The following DNAJC16 variants were observed in gnomAD, a reference collection of about 807,000 sequenced individuals.
The protein encoded by DNAJC16 is DnaJ heat shock protein family (Hsp40) member C16.
A neutral mutation model predicts 92.7 loss-of-function variants in DNAJC16; 76 were observed. The observed-to-expected ratio is 0.82, with a 90% confidence interval of 0.68 to 0.99. The LOEUF (loss-of-function observed/expected upper bound fraction) is 0.99, where lower values mean the gene tolerates loss of function less well. DNAJC16 is among the 50% of genes least tolerant of loss of function. DNAJC16 has a pLI of 0.00. For synonymous variants in DNAJC16, 328 were observed against 358.7 expected, an observed-to-expected ratio of 0.91 and a Z score of 0.97; for missense variants, 869 against 942.4, an observed-to-expected ratio of 0.92 and a Z score of 1.02.
At chr1:15,534,775 G>A (rs1710742506) in intron 3 of DNAJC16, among the ~76,000 whole-genome samples, 2 of 152,118 alleles carry the variant, frequency 1.3e-5, no homozygotes, top group African/African-American at 4.8e-5. Flanking sequence ...TGGAACAAGT[G>A]CCTGAACACT....
intron 7 of DNAJC16, among the ~76,000 whole-genome samples, chr1:15,552,935 T>C (rs1638481018): frequency 6.6e-6 from 1 of 151,168 alleles, no homozygotes. Context: ...ACCTGGCTAA[T>C]TTTTTTGTAT....
intron 7 of DNAJC16, among the ~76,000 whole-genome samples, chr1:15,551,173 C>A (rs761649229): frequency 6.6e-6 from 1 of 152,072 alleles, no homozygotes; most frequent in Non-Finnish European, 1.5e-5. Context: ...CCCGGCCTCA[C>A]CTTATATCTT....
In DNAJC16 at chr1:15,530,101, A is replaced by G. The variant is rs372184287; in HGVS notation, c.167+829A>G. 3.3e-5 allele frequency among the ~76,000 whole-genome samples: 5 copies of G among 152,120 alleles called. No homozygotes were observed. The East Asian group carries it at 9.6e-4, about 29-fold the overall frequency. On this transcript the variant is annotated intron_variant, in intron 2 of 14. Coordinates refer to ENST00000375847, the MANE Select transcript of DNAJC16 (RefSeq NM_015291.4). ...ATGGATGTGAAACCAACAGATATAG[A>G]GGGCTGACTATATATTACTCAAAAA...
chr1:15,568,732 T>G lies in DNAJC16; in HGVS notation c.*555T>G. ...GTTGTTCTGGGAGTAAGTGGCTAAA[T>G]GTATATTTTGGGGGTATCCCCCAAC... is the stretch of plus-strand genomic sequence containing the variant. On this transcript the variant is annotated 3_prime_UTR_variant, in exon 15 of 15. Coordinates refer to ENST00000375847, the MANE Select transcript of DNAJC16 (RefSeq NM_015291.4). The G allele has an allele frequency of 2.5e-6, 1 of 398,942 alleles. No individual in the cohort carries two copies. Among genetic ancestry groups the G allele is most frequent in the Non-Finnish European group, 4.4e-6 (1 of 226,326 alleles). The allele number at this position is 398,942 out of a possible 1,614,324, so 24.7% of individuals were successfully genotyped here.
intron 4 of DNAJC16, among the ~76,000 whole-genome samples, chr1:15,542,459 C>G (rs2103410685): frequency 6.6e-6 from 1 of 152,334 alleles, no homozygotes; most frequent in Non-Finnish European, 1.5e-5. Flanking sequence ...CCATGTACCT[C>G]TCTTCCTTCT....
chr1:15,528,316 C>T (rs1308923596), intron 1 of DNAJC16, among the ~76,000 whole-genome samples: 1 of 152,136 alleles, frequency 6.6e-6, no homozygotes, highest in Non-Finnish European at 1.5e-5. Context: ...TGCCTGTAAT[C>T]CCAGCTACTG....
intron 4 of DNAJC16, among the ~76,000 whole-genome samples, chr1:15,540,146 TAA>T: frequency 6.6e-6 from 1 of 152,130 alleles, no homozygotes; most frequent in East Asian, 1.9e-4. Context: ...ACCAATGTGG[TAA>T]AATCCTGTCT....
rs186910503 is a variant in DNAJC16, at chr1:15,548,174, A to G, written c.865-96A>G. On this transcript the variant is annotated intron_variant, in intron 6 of 14. Coordinates refer to ENST00000375847, the MANE Select transcript of DNAJC16 (RefSeq NM_015291.4). ...AGTGGAGCTGTGTAAGCTGGCATGT[A>G]CCTCTCTGCTCAGTGATGTGAAAAA... 16 of 1,227,088 alleles carry G rather than the reference A, an allele frequency of 1.3e-5. No homozygotes were observed. In the African/African-American group the frequency reaches 1.9e-4, roughly 15 times the overall value. 76.0% of individuals were successfully genotyped at this position (1,227,088 alleles called of 1,614,324 possible).
Position 15,553,229 on chromosome 1 carries a change from C to CTTTTGTTTTG in DNAJC16, c.1023+4811_1023+4820dup, listed in dbSNP as rs113932795. Among the ~76,000 whole-genome samples, 220 of 151,368 alleles carry CTTTTGTTTTG rather than the reference C, an allele frequency of 1.5e-3. 4 individuals are homozygous for CTTTTGTTTTG. The highest frequency in any genetic ancestry group is 5.2e-3 in the African/African-American group (214 of 41,202). The stretch of plus-strand genomic sequence containing the variant: ...TATCTTCACCCATTCTGTGGCTTGT[C>CTTTTGTTTTG]TTTTGTTTTGTTTTGTTTTTTTGAG... On this transcript the variant is annotated intron_variant, in intron 7 of 14. Coordinates refer to ENST00000375847, the MANE Select transcript of DNAJC16 (RefSeq NM_015291.4).
At chr1:15,555,420 C>A (rs1235126398) in intron 7 of DNAJC16, among the ~76,000 whole-genome samples, 2 of 149,772 alleles carry the variant, frequency 1.3e-5, no homozygotes, top group African/African-American at 4.9e-5. Context: ...TGCGGTGGCT[C>A]ACGCCTGTAA....
At chr1:15,552,366 G>A (rs1330558968) in intron 7 of DNAJC16, among the ~76,000 whole-genome samples, 1 of 151,948 alleles carries the variant, frequency 6.6e-6, no homozygotes, top group Non-Finnish European at 1.5e-5. Context: ...GCATGCACCT[G>A]TAGTCCCAGC....
At chr1:15,532,438 A>G (rs1411665978) in intron 2 of DNAJC16, among the ~76,000 whole-genome samples, 2 of 152,206 alleles carry the variant, frequency 1.3e-5, no homozygotes, top group Non-Finnish European at 2.9e-5. Flanking sequence ...ACAATTAGGA[A>G]AGTATTCCGT....
Position 15,529,261 on chromosome 1 carries a change from C to T in DNAJC16, c.156C>T (p.Leu52=), listed in dbSNP as rs768919972. The T allele has an allele frequency of 5.0e-6, 8 of 1,607,548 alleles. No individual in the cohort carries two copies. The highest frequency in any genetic ancestry group is 3.3e-4 in the Middle Eastern group (2 of 6,042). The change falls in exon 2 of 15, where the codon CTC becomes CTT. Residue 52 remains leucine, a synonymous_variant. Coordinates refer to ENST00000375847, the MANE Select transcript of DNAJC16 (RefSeq NM_015291.4). ...QADIKKAYKK[L]AREWHPDKNK... ...ATATTAAAAAGGCTTATAAGAAGCT[C>T]GCCCGGGAATGGTAGGTGAAACAAA...
At chr1:15,533,535 A>G (rs1286392055) in intron 2 of DNAJC16, among the ~76,000 whole-genome samples, 2 of 151,948 alleles carry the variant, frequency 1.3e-5, no homozygotes, top group Middle Eastern at 3.2e-3. Context: ...GGCTGAGGCA[A>G]GAGAATCGCT....
At chr1:15,563,807 G>A (rs1253512009) in intron 9 of DNAJC16, 122 bp from the exon 10 acceptor site, 14 of 943,952 alleles carry the variant, frequency 1.5e-5, no homozygotes, top group African/African-American at 1.4e-4. Context: ...CCAAGATCAC[G>A]CCACTGCACT....
chr1:15,526,985 G>C lies in DNAJC16; in HGVS notation c.-19+27G>C, dbSNP rs1710529487. The C allele has an allele frequency of 2.0e-5, 3 of 152,360 alleles. No individual in the cohort carries two copies. In the South Asian group the frequency reaches 6.2e-4, roughly 31 times the overall value. 9.4% of individuals were successfully genotyped at this position (152,360 alleles called of 1,614,324 possible). The stretch of plus-strand genomic sequence containing the variant: ...TAACTCCTTCCCGGCGTGACGCGCG[G>C]AACCGCGGACGCGGCGGGGCCAGGC... On this transcript the variant is annotated intron_variant, in intron 1 of 14. Coordinates refer to ENST00000375847, the MANE Select transcript of DNAJC16 (RefSeq NM_015291.4).
chr1:15,529,973 A>G (rs368041284), intron 2 of DNAJC16, among the ~76,000 whole-genome samples: 1 of 152,250 alleles, frequency 6.6e-6, no homozygotes, highest in African/African-American at 2.4e-5. Flanking sequence ...TTAAGGAATA[A>G]TGACAAGAAA....
rs1156890844 is a variant in DNAJC16 at position 15,569,985 on chromosome 1, A to G, written c.*1808A>G. On this transcript the variant is annotated 3_prime_UTR_variant, in exon 15 of 15. Transcript: ENST00000375847. ...TTCTTTAATCTTAATGCTTTAAACT[A>G]AGCCACTTGGATCCTGAATAATTTA... 1 of 152,600 alleles carries G rather than the reference A, an allele frequency of 6.6e-6. No individual in the cohort carries two copies. Among genetic ancestry groups the G allele is most frequent in the East Asian group, 1.9e-4 (1 of 5,196 alleles). The allele number at this position is 152,600 out of a possible 1,614,324, so 9.5% of individuals were successfully genotyped here.
rs764605433 is a variant in DNAJC16, at chr1:15,567,091, C to T, written c.1779-8C>T. 1.2e-6 allele frequency: 2 copies of T among 1,604,394 alleles called. No individual in the cohort carries two copies. Among genetic ancestry groups the T allele is most frequent in the East Asian group, 2.2e-5 (1 of 44,572 alleles). On this transcript the variant is annotated splice_region_variant and splice_polypyrimidine_tract_variant and intron_variant, in intron 13 of 14. Coordinates refer to ENST00000375847, the MANE Select transcript of DNAJC16 (RefSeq NM_015291.4). ...ACAGCATCTTAACTCCTCAATATTT[C>T]TCCACAGCAAGATTCCTAAAAAAGG...
Sources: gnomAD v4.1 joint callset for allele counts (sites outside exome capture counted in the v4.1 genomes callset) on GRCh38, gnomAD v4.1.1 for gene constraint, MANE v1.5 for transcripts, NCBI Gene and HGNC (gene_info 2026-07-23, HGNC 2026-07-21) for gene names.